The following LTV1 variants were observed in gnomAD, a reference collection of about 807,000 sequenced individuals.
LTV1 encodes LTV1 ribosome biogenesis factor, also known as protein LTV1 homolog.
Under a neutral mutation model 59.9 loss-of-function variants are expected in LTV1, and 39 were observed. That is an observed-to-expected ratio of 0.65 (90% CI 0.50 to 0.85). The LOEUF (loss-of-function observed/expected upper bound fraction) is 0.85. Ranked by LOEUF, LTV1 falls within the 40% of genes least tolerant of loss-of-function variation. LTV1 has a pLI of 0.00. For synonymous variants in LTV1, 171 were observed against 189.5 expected (o/e 0.90, Z 0.80); for missense variants, 493 against 549.1 (o/e 0.90, Z 1.02).
chr6:143,858,611 A>C (rs2128491986), intron 6 of LTV1: 1 of 153,424 alleles, frequency 6.5e-6, no homozygotes, highest in East Asian at 1.9e-4. Flanking sequence ...ATAAATGATA[A>C]ATGAATGAAG....
At chr6:143,848,414 T>C (rs916153128) in intron 3 of LTV1, among the ~76,000 whole-genome samples, 2 of 152,210 alleles carry the variant, frequency 1.3e-5, no homozygotes, top group African/African-American at 4.8e-5. Context: ...CCCATGTTTG[T>C]GCTACTGAGA....
At chr6:143,846,469 A>G (rs531717758) in intron 3 of LTV1, among the ~76,000 whole-genome samples, 4 of 151,914 alleles carry the variant, frequency 2.6e-5, no homozygotes, top group South Asian at 2.1e-4. Flanking sequence ...ATTGATAGAC[A>G]TGGCCATGTT....
At chr6:143,860,096 T>TA (rs532911369) in intron 6 of LTV1, among the ~76,000 whole-genome samples, 6 of 151,844 alleles carry the variant, frequency 4.0e-5, no homozygotes, top group South Asian at 2.1e-4. Context: ...GTGAGATACT[T>TA]AAAAAAAAGA....
intron 4 of LTV1, among the ~76,000 whole-genome samples, chr6:143,852,930 A>G (rs1403926035): frequency 6.6e-6 from 1 of 151,978 alleles, no homozygotes; most frequent in Non-Finnish European, 1.5e-5. Context: ...TGGTCTATAT[A>G]TCTGTTTTGG....
intron 4 of LTV1, among the ~76,000 whole-genome samples, chr6:143,850,637 T>G (rs1776967103): frequency 6.6e-6 from 1 of 152,224 alleles, no homozygotes; most frequent in Non-Finnish European, 1.5e-5. Context: ...GGGGGAAATT[T>G]TTTATTTTTA....
rs1777107545 is a variant in LTV1, at chr6:143,857,992, T to C, written c.780T>C (p.Asp260=). ...GAAATGAACAGCTGACCCTACATGA[T>C]GAGAGGTTTGAGAAGGTAAGGTCCC... ...MRRNEQLTLH[D]ERFEKFYEQY... is the part of the protein sequence containing the mutation. The change falls in exon 6 of 11, where the codon GAT becomes GAC. Residue 260 remains aspartate (D), a synonymous_variant. Transcript: ENST00000367576. This position sits in a 1 kb window ranked among gnomAD's most constrained non-coding sequence, Gnocchi z 5.2. 6.2e-7 allele frequency: 1 copy of C among 1,613,878 alleles called. No individual in the cohort carries two copies. Among genetic ancestry groups the C allele is most frequent in the African/African-American group, 1.3e-5 (1 of 74,888 alleles).
chr6:143,862,271 T>C lies in LTV1; in HGVS notation c.1063+28T>C. On this transcript the variant is annotated intron_variant, in intron 8 of 10. Transcript: ENST00000367576. This position sits in a 1 kb window ranked among gnomAD's most constrained non-coding sequence, Gnocchi z 4.2. ...AAGTATATTCACTTTATGATAGTAA[T>C]TTTAAAGTATTAAAGTATATCAACT... The C allele has an allele frequency of 6.3e-7, 1 of 1,598,558 alleles. No individual in the cohort carries two copies. Among genetic ancestry groups the C allele is most frequent in the Non-Finnish European group, 8.6e-7 (1 of 1,167,116 alleles).
chr6:143,843,436 C>A lies in LTV1; in HGVS notation c.-42C>A, dbSNP rs771698933. Reference sequence around the variant, plus strand: ...TCTCCCCGCCGGACTTCGAGGGTGTCATCGCCGCCCCTGTTGGGGGTGAGC... The same window carrying A: ...TCTCCCCGCCGGACTTCGAGGGTGTAATCGCCGCCCCTGTTGGGGGTGAGC... On this transcript the variant is annotated 5_prime_UTR_variant, in exon 1 of 11. Coordinates refer to ENST00000367576, the MANE Select transcript of LTV1 (RefSeq NM_032860.5). 3 of 1,612,342 alleles carry A rather than the reference C, an allele frequency of 1.9e-6. No homozygotes were observed. Among genetic ancestry groups the A allele is most frequent in the South Asian group, 2.2e-5 (2 of 91,080 alleles).
chr6:143,853,503 GTGT>G (rs1377617629), intron 4 of LTV1, among the ~76,000 whole-genome samples: 1 of 152,080 alleles, frequency 6.6e-6, no homozygotes, highest in Admixed American at 6.5e-5. Flanking sequence ...TTCCAATACT[GTGT>G]TGAATAGGAT....
rs768321315 is a variant in LTV1, at chr6:143,843,441, C to T, written c.-37C>T. On this transcript the variant is annotated 5_prime_UTR_variant, in exon 1 of 11. Coordinates refer to ENST00000367576, the MANE Select transcript of LTV1 (RefSeq NM_032860.5). Reference sequence around the variant, plus strand: ...CCGCCGGACTTCGAGGGTGTCATCGCCGCCCCTGTTGGGGGTGAGCGCCGC... The same window carrying T: ...CCGCCGGACTTCGAGGGTGTCATCGTCGCCCCTGTTGGGGGTGAGCGCCGC... 5.6e-6 allele frequency: 9 copies of T among 1,612,628 alleles called. No individual in the cohort carries two copies. The Admixed American group carries it at 1.2e-4, about 21-fold the overall frequency.
intron 4 of LTV1, among the ~76,000 whole-genome samples, chr6:143,853,885 T>C (rs983227817): frequency 6.6e-6 from 1 of 152,270 alleles, no homozygotes; most frequent in African/African-American, 2.4e-5. Flanking sequence ...GCATTGATGT[T>C]CATCAGGGAT....
At chr6:143,846,915 CA>C (rs1455428584) in intron 3 of LTV1, among the ~76,000 whole-genome samples, 1 of 152,178 alleles carries the variant, frequency 6.6e-6, no homozygotes, top group Non-Finnish European at 1.5e-5. Context: ...GGTTTATAAG[CA>C]AAAGGTAAGA....
At chr6:143,848,737 G>A (rs1415674807) in intron 3 of LTV1, among the ~76,000 whole-genome samples, 1 of 152,182 alleles carries the variant, frequency 6.6e-6, no homozygotes, top group African/African-American at 2.4e-5. Context: ...AAGAAGGCGG[G>A]AAGTTCACAC....
chr6:143,852,026 A>G (rs893090076), intron 4 of LTV1, among the ~76,000 whole-genome samples: 15 of 152,200 alleles, frequency 9.9e-5, no homozygotes, highest in East Asian at 1.9e-4. Context: ...CAGTGCTACA[A>G]TAAACCTACG....
In LTV1 at chr6:143,855,606, C is replaced by A. The variant is rs1013555082; in HGVS notation, c.398-1697C>A. Among the ~76,000 whole-genome samples the A allele has an allele frequency of 3.3e-5, 5 of 152,090 alleles. No homozygotes were observed. The highest frequency in any genetic ancestry group is 1.2e-4 in the African/African-American group (5 of 41,400). On this transcript the variant is annotated intron_variant, in intron 4 of 10. Coordinates refer to ENST00000367576, the MANE Select transcript of LTV1 (RefSeq NM_032860.5). This position sits in a 1 kb window ranked among gnomAD's most constrained non-coding sequence, Gnocchi z 4.6. The stretch of plus-strand genomic sequence containing the variant: ...CAGTTTTTCCTTTCCATATTTAGTG[C>A]TTCCTTCAGGAGCTCTTGTAAGGCA...
intron 7 of LTV1, among the ~76,000 whole-genome samples, chr6:143,861,715 G>T (rs966078184): frequency 6.6e-6 from 1 of 152,088 alleles, no homozygotes; most frequent in Non-Finnish European, 1.5e-5. Context: ...CAGCTAGAAA[G>T]GTCTGATGTT....
At chr6:143,861,918 C>T (rs1777170439) in intron 7 of LTV1, among the ~76,000 whole-genome samples, 186 bp from the exon 8 acceptor site, 1 of 152,130 alleles carries the variant, frequency 6.6e-6, no homozygotes, top group Non-Finnish European at 1.5e-5. Context: ...GTCCAAAACT[C>T]ACTGGAGGGA....
chr6:143,857,878 T>G lies in LTV1; in HGVS notation c.666T>G (p.Thr222=). 6.2e-7 allele frequency: 1 copy of G among 1,614,028 alleles called. No homozygotes were observed. The highest frequency in any genetic ancestry group is 1.1e-5 in the South Asian group (1 of 91,076). ...ACTGTATGTCTGTGCCCGGAAAAAC[T>G]CACAGAGCTATAGCAGATCACTTGT... ...DEDCMSVPGK[T]HRAIADHLFW... Residue 222 remains threonine, a synonymous_variant, in exon 6 of 11, where the codon ACT becomes ACG. Transcript: ENST00000367576. This position sits in a 1 kb window ranked among gnomAD's most constrained non-coding sequence, Gnocchi z 5.2.
At chr6:143,846,013 A>G in intron 2 of LTV1, 38 bp from the exon 3 acceptor site, 1 of 1,595,804 alleles carries the variant, frequency 6.3e-7, no homozygotes, top group East Asian at 2.2e-5. Flanking sequence ...TTTTGTTTAT[A>G]GATAGTGAAG....
Sources: gnomAD v4.1 joint callset for allele counts (sites outside exome capture counted in the v4.1 genomes callset) on GRCh38, gnomAD v4.1.1 for gene constraint, Gnocchi (gnomAD v3.1) non-coding constraint, MANE v1.5 for transcripts, NCBI Gene and HGNC (gene_info 2026-07-23, HGNC 2026-07-21) for gene names.